The following NAV2 variants were observed in gnomAD, a reference collection of about 807,000 sequenced individuals.
The protein encoded by NAV2 is neuron navigator 2.
A neutral mutation model predicts 223.2 loss-of-function variants in NAV2; 54 were observed. That is an observed-to-expected ratio of 0.24 (90% CI 0.19 to 0.30). The LOEUF is 0.30. Among genes scored for constraint, NAV2 ranks in the 10% least tolerant of loss-of-function variants. The pLI is 1.00. For missense variants in NAV2, 2,806 were observed against 3,147.5 expected, an observed-to-expected ratio of 0.89 and a Z score of 2.60; for synonymous variants, 1,279 against 1,239.3, an observed-to-expected ratio of 1.03 and a Z score of -0.67.
intron 1 of NAV2, among the ~76,000 whole-genome samples, chr11:19,466,101 T>G (rs555766580): frequency 6.6e-6 from 1 of 152,178 alleles, no homozygotes; most frequent in Non-Finnish European, 1.5e-5. Context: ...ACGATGATAA[T>G]GTTGGTGCTG....
chr11:19,665,919 ATCATCATCATCATCATCG>A (rs1284739035), intron 1 of NAV2, among the ~76,000 whole-genome samples: 8 of 152,112 alleles, frequency 5.3e-5, no homozygotes, highest in African/African-American at 1.2e-4. Context: ...ATGCAGAATC[ATCATCATCATCATCATCG>A]TCATCATCAT....
At chr11:19,437,716 A>T (rs936834197) in intron 1 of NAV2, among the ~76,000 whole-genome samples, 13 of 152,064 alleles carry the variant, frequency 8.5e-5, no homozygotes, top group Non-Finnish European at 1.5e-5. Flanking sequence ...CAGAAAAAAA[A>T]GTTACTGCCA....
chr11:20,084,927 G>T (rs147556906), intron 26 of NAV2, among the ~76,000 whole-genome samples: 1 of 152,142 alleles, frequency 6.6e-6, no homozygotes, highest in South Asian at 2.1e-4. Flanking sequence ...AGTTACTGTC[G>T]CCTGTAATCC....
chr11:19,802,076 G>A (rs7943969), intron 1 of NAV2, among the ~76,000 whole-genome samples: 109,916 of 152,044 alleles, frequency 0.72, 40,558 homozygotes, highest in Middle Eastern at 0.89. Context: ...ATTATGACTC[G>A]TGAAAGAGAC....
intron 1 of NAV2, among the ~76,000 whole-genome samples, chr11:19,580,654 G>A (rs1821587392): frequency 6.6e-6 from 1 of 152,116 alleles, no homozygotes; most frequent in Non-Finnish European, 1.5e-5. Flanking sequence ...TGTGTACCAG[G>A]CACTATCTTA....
intron 1 of NAV2, among the ~76,000 whole-genome samples, chr11:19,512,116 C>T (rs1011681211): frequency 6.6e-6 from 1 of 152,146 alleles, no homozygotes; most frequent in African/African-American, 2.4e-5. Context: ...TGTTTCCCTT[C>T]CCATCAGGAA....
chr11:19,525,985 G>T (rs1019545699), intron 1 of NAV2, among the ~76,000 whole-genome samples: 8 of 152,094 alleles, frequency 5.3e-5, no homozygotes, highest in Non-Finnish European at 1.2e-4. Context: ...AATGTTCCCC[G>T]CCTCCCTGTC....
intron 1 of NAV2, among the ~76,000 whole-genome samples, chr11:19,472,397 G>A (rs1461236167): frequency 1.3e-5 from 2 of 152,042 alleles, no homozygotes; most frequent in South Asian, 2.1e-4. Context: ...GAGTTGTCCC[G>A]AGAATTCAGT....
At chr11:19,770,735 C>A (rs1449158884) in intron 1 of NAV2, among the ~76,000 whole-genome samples, 1 of 152,128 alleles carries the variant, frequency 6.6e-6, no homozygotes, top group Non-Finnish European at 1.5e-5. Flanking sequence ...TTATTTTTTA[C>A]CCTGAACGCC....
At chr11:20,105,300 C>T (rs148750482) in intron 34 of NAV2, 151 of 427,678 alleles carry the variant, frequency 3.5e-4, no homozygotes, top group African/African-American at 2.9e-3. Context: ...TGTTCCTCAG[C>T]ATTTCTGTCC....
chr11:19,362,942 C>A (rs1854041569), intron 1 of NAV2, among the ~76,000 whole-genome samples: 1 of 152,186 alleles, frequency 6.6e-6, no homozygotes, highest in Admixed American at 6.5e-5. Flanking sequence ...TTTTGTATAT[C>A]AGACACTGTT....
At chr11:19,666,578 T>C (rs10833149) in intron 1 of NAV2, among the ~76,000 whole-genome samples, 110,521 of 152,078 alleles carry the variant, frequency 0.73, 45,392 homozygotes, top group Non-Finnish European at 0.91. Flanking sequence ...TTGTGGAGCT[T>C]GGGGATGTCA....
At chr11:19,844,399 A>G (rs1048467802) in intron 3 of NAV2, among the ~76,000 whole-genome samples, 2 of 152,130 alleles carry the variant, frequency 1.3e-5, no homozygotes, top group African/African-American at 4.8e-5. Flanking sequence ...TATTCTAAGC[A>G]CCTTCTATTG....
intron 15 of NAV2, 68 bp from the exon 16 acceptor site, chr11:20,049,768 T>G: frequency 6.7e-7 from 1 of 1,486,094 alleles, no homozygotes; most frequent in Non-Finnish European, 9.4e-7. Context: ...AAAATGTATA[T>G]AACAACACCT....
intron 1 of NAV2, among the ~76,000 whole-genome samples, chr11:19,663,438 G>T (rs1382258284): frequency 2.0e-5 from 3 of 152,154 alleles, no homozygotes; most frequent in African/African-American, 7.2e-5. Context: ...AACTTCTGAG[G>T]TTACAAAGTC....
At chr11:19,661,558 C>G (rs895864955) in intron 1 of NAV2, among the ~76,000 whole-genome samples, 3 of 152,148 alleles carry the variant, frequency 2.0e-5, no homozygotes, top group African/African-American at 4.8e-5. Context: ...CCAGACAGAC[C>G]TGGATTGTAA....
intron 1 of NAV2, among the ~76,000 whole-genome samples, chr11:19,434,849 C>CTTT (rs57000125): frequency 8.5e-5 from 11 of 129,254 alleles, no homozygotes; most frequent in East Asian, 2.2e-4. Flanking sequence ...AAGGTTGTGG[C>CTTT]TTTTTTTTTT....
chr11:19,817,054 T>G (rs1316529294), intron 1 of NAV2, among the ~76,000 whole-genome samples: 1 of 152,146 alleles, frequency 6.6e-6, no homozygotes. Context: ...GGGAAATCCT[T>G]AAACTACCCA....
chr11:19,781,826 G>A (rs1191946051), intron 1 of NAV2, among the ~76,000 whole-genome samples: 1 of 151,944 alleles, frequency 6.6e-6, no homozygotes, highest in Non-Finnish European at 1.5e-5. Flanking sequence ...TATATTTAAG[G>A]TGTACAGTGT....
Sources: allele counts gnomAD v4.1 joint callset (sites outside exome capture counted in the v4.1 genomes callset), GRCh38; gene constraint gnomAD v4.1.1; transcripts MANE v1.5; gene names NCBI Gene and HGNC (gene_info 2026-07-23, HGNC 2026-07-21).